Variants in DGKQ observed in about 807,000 individuals in gnomAD.
DGKQ encodes DAG kinase theta.
Under a neutral mutation model 104.2 loss-of-function variants are expected in DGKQ, and 97 were observed. The observed-to-expected ratio is 0.93, with a 90% CI of 0.79 to 1.10. The LOEUF (loss-of-function observed/expected upper bound fraction) is 1.10, where lower values mean the gene tolerates loss of function less well. Among genes scored for constraint, DGKQ ranks in the 50% least tolerant of loss-of-function variants. DGKQ has a pLI of 0.00. For synonymous variants in DGKQ, 736 were observed against 595.2 expected, an observed-to-expected ratio of 1.24 and a Z score of -3.44; for missense variants, 1,465 against 1,352.1, an observed-to-expected ratio of 1.08 and a Z score of -1.31.
chr4:966,100 T>C, intron 12 of DGKQ, 22 bp from the exon 13 acceptor site: 4 of 1,582,320 alleles, frequency 2.5e-6, no homozygotes, highest in Non-Finnish European at 2.6e-6. Context: ...GGGGCGGGGA[T>C]GCTGGGCCGG....
At chr4:960,901 A>AGCCCTCCTCTGAAGCAGGC (rs1711837231) in intron 22 of DGKQ, 148 bp downstream of exon 22, 1 of 1,483,254 alleles carries the variant, frequency 6.7e-7, no homozygotes, top group East Asian at 2.5e-5. Flanking sequence ...CCACTGGCAC[A>AGCCCTCCTCTGAAGCAGGC]GCCCTCCTCT....
intron 8 of DGKQ, 34 bp from the exon 9 acceptor site, chr4:967,395 G>T (rs1163320824): frequency 1.4e-6 from 2 of 1,463,216 alleles, no homozygotes; most frequent in Non-Finnish European, 1.8e-6. Context: ...GCCAAGTTGT[G>T]GGGGGTCAGG....
chr4:965,335 C>G, intron 14 of DGKQ, 44 bp from the exon 15 acceptor site: 1 of 1,583,114 alleles, frequency 6.3e-7, no homozygotes, highest in Non-Finnish European at 8.7e-7. Flanking sequence ...GTCCCATGGC[C>G]CCCACGGTGC....
chr4:964,085 G>A (rs1712102373), intron 15 of DGKQ: 1 of 154,688 alleles, frequency 6.5e-6, no homozygotes, highest in Non-Finnish European at 1.5e-5. Flanking sequence ...CTCACCCCAG[G>A]GCAGGCAGCT....
chr4:969,907 G>A (rs192857901), intron 2 of DGKQ, among the ~76,000 whole-genome samples: 65 of 152,296 alleles, frequency 4.3e-4, no homozygotes, highest in African/African-American at 1.5e-3. Flanking sequence ...CACAGCGCCC[G>A]GCCGTTAAAT....
chr4:963,336 G>A (rs1712038248), intron 15 of DGKQ, 46 bp from the exon 16 acceptor site: 1 of 1,552,204 alleles, frequency 6.4e-7, no homozygotes. Context: ...AAGGTGGGGT[G>A]TCCCCACTGC....
Position 963,198 on chromosome 4 carries a change from G to A in DGKQ, c.1827C>T (p.Phe609=). 1 of 1,611,212 alleles carries A rather than the reference G, an allele frequency of 6.2e-7. No homozygotes were observed. The highest frequency in any genetic ancestry group is 8.5e-7 in the Non-Finnish European group (1 of 1,178,620). The change falls in exon 16 of 23, where the codon TTC becomes TTT. Residue 609 remains phenylalanine, a synonymous_variant. Coordinates refer to ENST00000273814, the MANE Select transcript of DGKQ (RefSeq NM_001347.4). ...CCTGATGAGGGTTCAGTAGCTTCCG[G>A]AAGCTGCAGAGCAGGTCTCGGCCCT... ...GLKGRDLLCS[F]RKLLNPHQVF...
chr4:962,685 G>C (rs1313764937), intron 17 of DGKQ, 72 bp from the exon 18 acceptor site: 8 of 1,589,512 alleles, frequency 5.0e-6, no homozygotes. Flanking sequence ...ACCCCACCAC[G>C]AGGACAGCCA....
rs992861235 is a variant in DGKQ at position 967,953 on chromosome 4, G to C, written c.738C>G (p.Pro246=). 1 of 1,485,732 alleles carries C rather than the reference G, an allele frequency of 6.7e-7. No homozygotes were observed. The highest frequency in any genetic ancestry group is 1.9e-4 in the Middle Eastern group (1 of 5,134). The allele number at this position is 1,485,732 out of a possible 1,614,324, so 92.0% of individuals were successfully genotyped here. ...FGRLRSLVLP[P]ACVRLLPGGF... ...CGCCGGGCAGAAGGCGCACGCACGC[G>C]GGAGGCAGGACCAGGGAGCGCAGAC... Residue 246 remains proline (P), a synonymous_variant, in exon 6 of 23, where the codon CCC becomes CCG. Transcript: ENST00000273814.
In DGKQ at chr4:967,037, A is replaced by G; in HGVS notation, c.1238T>C (p.Val413Ala). The change falls in exon 10 of 23, where the codon GTG becomes GCG. Residue 413 changes from valine to alanine, a missense_variant. By Grantham distance (64) the Val-to-Ala change is moderately conservative (BLOSUM62 0). Transcript: ENST00000273814. The part of the protein sequence containing the change: ...PGWLKVGVAY[V>A]SVRVTPKSTA... ...GCTCTTCGGGGTCACTCGCACGGAC[A>G]CGTAGGCCACGCCCACCCTGTGGGG... 3 of 1,559,374 alleles carry G rather than the reference A, an allele frequency of 1.9e-6. No individual in the cohort carries two copies. The highest frequency in any genetic ancestry group is 2.6e-6 in the Non-Finnish European group (3 of 1,153,042).
At chr4:967,410 G>GGT in intron 8 of DGKQ, 49 bp from the exon 9 acceptor site, 2 of 1,097,208 alleles carry the variant, frequency 1.8e-6, no homozygotes, top group Non-Finnish European at 2.6e-6. Flanking sequence ...GTCAGGCGGG[G>GGT]TTCAGTGGGG....
At chr4:961,942 G>C (rs751063026) in intron 19 of DGKQ, 40 bp downstream of exon 19, 11 of 1,610,654 alleles carry the variant, frequency 6.8e-6, no homozygotes, top group Non-Finnish European at 7.6e-6. Context: ...CCTGAGGGAG[G>C]TATGCCGTTG....
At chr4:968,961 C>G (rs778163731) in intron 2 of DGKQ, 51 bp from the exon 3 acceptor site, 1 of 1,199,082 alleles carries the variant, frequency 8.3e-7, no homozygotes, top group Non-Finnish European at 1.2e-6. Context: ...ACAGGCTGCC[C>G]GCCACCCCTC....
intron 8 of DGKQ, 80 bp downstream of exon 8, chr4:967,469 G>A (rs975031528): frequency 1.5e-5 from 23 of 1,502,182 alleles, no homozygotes; most frequent in Non-Finnish European, 2.0e-5. Flanking sequence ...GCCAGGTTGG[G>A]GGAGCCAGGT....
chr4:961,479 G>A lies in DGKQ; in HGVS notation c.2562C>T (p.Gly854=), dbSNP rs771254147. The stretch of plus-strand genomic sequence containing the variant: ...GCCGGCGGCTCACCATGTGCACGAC[G>A]CCCGTCACGCCCACAACCTCCAGCA... ...DGLLEVVGVT[G]VVHMGQVQGG... The change falls in exon 21 of 23, where the codon GGC becomes GGT. Residue 854 remains glycine, a synonymous_variant. Transcript: ENST00000273814. 9 of 1,600,584 alleles carry A rather than the reference G, an allele frequency of 5.6e-6. No individual in the cohort carries two copies. Among genetic ancestry groups the A allele is most frequent in the East Asian group, 2.3e-5 (1 of 44,020 alleles).
chr4:970,885 C>T (rs1417297393), intron 2 of DGKQ, 108 bp downstream of exon 2: 1 of 790,454 alleles, frequency 1.3e-6, no homozygotes, highest in Non-Finnish European at 2.1e-6. Context: ...TGCCTTTCAA[C>T]TGCAGGTATC....
chr4:962,023 G>A lies in DGKQ; in HGVS notation c.2274C>T (p.Phe758=), dbSNP rs747760873. 19 of 1,613,052 alleles carry A rather than the reference G, an allele frequency of 1.2e-5. No individual in the cohort carries two copies. The highest frequency in any genetic ancestry group is 1.4e-5 in the Non-Finnish European group (17 of 1,179,958). Reference sequence around the variant, plus strand: ...CAGGCTCCTCTTCCCGTGCCTGGTGGAAGTCCAGGCTCAGCTCCGCGTCGA... The same window carrying A: ...CAGGCTCCTCTTCCCGTGCCTGGTGAAAGTCCAGGCTCAGCTCCGCGTCGA... ...IGIDAELSLD[F]HQAREEEPGK... is the part of the protein sequence containing the mutation. Residue 758 remains phenylalanine, a synonymous_variant, in exon 19 of 23, where the codon TTC becomes TTT. Coordinates refer to ENST00000273814, the MANE Select transcript of DGKQ (RefSeq NM_001347.4).
At chr4:966,309 GA>G in intron 12 of DGKQ, 156 bp downstream of exon 12, 2 of 895,386 alleles carry the variant, frequency 2.2e-6, no homozygotes, top group Non-Finnish European at 3.4e-6. Context: ...TCCCTGCAGG[GA>G]CCAAGTAGCT....
chr4:969,940 T>C (rs529620465), intron 2 of DGKQ, among the ~76,000 whole-genome samples: 50 of 152,358 alleles, frequency 3.3e-4, no homozygotes, highest in African/African-American at 1.1e-3. Context: ...TTTCCTATCA[T>C]GCATACAGTT....
Sources: allele counts gnomAD v4.1 joint callset (sites outside exome capture counted in the v4.1 genomes callset), GRCh38; gene constraint gnomAD v4.1.1; transcripts MANE v1.5; gene names NCBI Gene and HGNC (gene_info 2026-07-23, HGNC 2026-07-21).